The following MIS18A variants were observed in gnomAD, a reference collection of about 807,000 sequenced individuals.
The protein encoded by MIS18A is MIS18 kinetochore protein A.
A neutral mutation model predicts 25.0 loss-of-function variants in MIS18A; 14 were observed. The observed-to-expected ratio is 0.56, with a 90% CI of 0.37 to 0.88. MIS18A has a LOEUF of 0.88. Ranked by LOEUF, MIS18A falls within the 40% of genes least tolerant of loss-of-function variation. MIS18A has a pLI of 0.00. For missense variants in MIS18A, 292 were observed against 290.8 expected, an observed-to-expected ratio of 1.00 and a Z score of -0.03; for synonymous variants, 134 against 118.6, an observed-to-expected ratio of 1.13 and a Z score of -0.84.
chr21:32,229,536 T>A, the MIS18A span, among the ~76,000 whole-genome samples: 1 of 152,226 alleles, frequency 6.6e-6, no homozygotes, highest in Non-Finnish European at 1.5e-5. Flanking sequence ...GAACTTTAAG[T>A]GTTTCATGGC....
chr21:32,207,614 A>G, the MIS18A span, among the ~76,000 whole-genome samples: 1 of 152,096 alleles, frequency 6.6e-6, no homozygotes, highest in Non-Finnish European at 1.5e-5. Context: ...CTCTCTTGCT[A>G]ACAGTTCAAC....
chr21:32,167,649 C>T, the MIS18A span, among the ~76,000 whole-genome samples: 1 of 152,106 alleles, frequency 6.6e-6, no homozygotes, highest in South Asian at 2.1e-4. Context: ...AAAGACTTAA[C>T]ATCCATGTAA....
the MIS18A span, among the ~76,000 whole-genome samples, chr21:32,220,280 A>C: frequency 2.6e-5 from 4 of 152,226 alleles, no homozygotes; most frequent in African/African-American, 9.6e-5. Flanking sequence ...CAGAGGAAGG[A>C]GCAAGCAGCA....
chr21:32,274,197 CTTTTTTTTTTTTTTTT>C (rs1184186125), intron 2 of MIS18A, among the ~76,000 whole-genome samples: 2 of 72,782 alleles, frequency 2.7e-5, no homozygotes, highest in Non-Finnish European at 5.0e-5. Flanking sequence ...TCCTTTTCTT[CTTTTTTTTTTTTTTTT>C]TTTTTTTTTT....
the MIS18A span, among the ~76,000 whole-genome samples, chr21:32,155,346 G>A: frequency 1.3e-5 from 2 of 152,020 alleles, no homozygotes; most frequent in Non-Finnish European, 2.9e-5. Flanking sequence ...CCTCTTCTGC[G>A]ATAGTCCCTG....
At chr21:32,189,361 C>T in the MIS18A span, among the ~76,000 whole-genome samples, 2 of 152,230 alleles carry the variant, frequency 1.3e-5, no homozygotes, top group Non-Finnish European at 1.5e-5. Context: ...TCACTGCAGC[C>T]TTGACCTCCC....
the MIS18A span, among the ~76,000 whole-genome samples, chr21:32,211,101 C>T: frequency 8.5e-5 from 13 of 152,078 alleles, no homozygotes; most frequent in Admixed American, 2.6e-4. Context: ...AGGGCAGTGG[C>T]GCGACATGAG....
At chr21:32,229,001 G>A in the MIS18A span, among the ~76,000 whole-genome samples, 6 of 151,844 alleles carry the variant, frequency 4.0e-5, no homozygotes, top group Admixed American at 2.6e-4. Flanking sequence ...TTTTATTTCA[G>A]CACAAGCAAT....
At chr21:32,192,101 G>A in the MIS18A span, among the ~76,000 whole-genome samples, 8 of 152,308 alleles carry the variant, frequency 5.3e-5, no homozygotes, top group Admixed American at 2.6e-4. Context: ...CAATCATGGT[G>A]CTGATTGAAT....
At chr21:32,249,478 G>A in the MIS18A span, among the ~76,000 whole-genome samples, 2 of 152,162 alleles carry the variant, frequency 1.3e-5, no homozygotes. Flanking sequence ...CTTCTGGGAG[G>A]AGCCATGGAT....
chr21:32,266,765 G>A (rs2031614354), downstream of MIS18A, among the ~76,000 whole-genome samples: 1 of 152,094 alleles, frequency 6.6e-6, no homozygotes, highest in Non-Finnish European at 1.5e-5. Flanking sequence ...AGAGTCCGCG[G>A]CTTCATTCTT....
At chr21:32,162,686 G>GT in the MIS18A span, among the ~76,000 whole-genome samples, 5 of 152,132 alleles carry the variant, frequency 3.3e-5, no homozygotes, top group Non-Finnish European at 7.3e-5. Flanking sequence ...CCATAACCTA[G>GT]TAGAGTGCCT....
Position 32,269,006 on chromosome 21 carries a change from C to T in MIS18A, c.*31G>A, listed in dbSNP as rs201313530. ...ATTTAACAAATAAGGGGAGGAAGGG[C>T]GGGGGCAGAATGGAGGACACAGACT... On this transcript the variant is annotated 3_prime_UTR_variant, in exon 5 of 5. Transcript: ENST00000290130. 15 of 1,458,594 alleles carry T rather than the reference C, an allele frequency of 1.0e-5. No individual in the cohort carries two copies. The highest frequency in any genetic ancestry group is 9.9e-5 in the African/African-American group (7 of 70,568). The allele number at this position is 1,458,594 out of a possible 1,614,324, so 90.4% of individuals were successfully genotyped here.
At chr21:32,236,955 C>G in the MIS18A span, among the ~76,000 whole-genome samples, 1 of 152,082 alleles carries the variant, frequency 6.6e-6, no homozygotes, top group East Asian at 1.9e-4. Context: ...CTTAGGGAAA[C>G]TGGGCTGACT....
At chr21:32,197,840 C>T in the MIS18A span, 4 of 152,154 alleles carry the variant, frequency 2.6e-5, no homozygotes, top group African/African-American at 7.2e-5. Context: ...CATGGTTGGC[C>T]CCAAACAGGC....
the MIS18A span, among the ~76,000 whole-genome samples, chr21:32,244,271 A>G: frequency 6.6e-6 from 1 of 151,936 alleles, no homozygotes; most frequent in Non-Finnish European, 1.5e-5. Context: ...GAGGAAATTG[A>G]CTCCAAAAGG....
chr21:32,278,319 A>C, intron 1 of MIS18A: 1 of 248,258 alleles, frequency 4.0e-6, no homozygotes, highest in Non-Finnish European at 7.7e-6. Flanking sequence ...ATGGGGAGTA[A>C]TAGTACTGGC....
chr21:32,235,376 C>T, the MIS18A span, among the ~76,000 whole-genome samples: 1 of 152,180 alleles, frequency 6.6e-6, no homozygotes, highest in African/African-American at 2.4e-5. Flanking sequence ...TGGGCTGCAG[C>T]TGAGACCACA....
At chr21:32,188,101 G>C in the MIS18A span, among the ~76,000 whole-genome samples, 4 of 152,150 alleles carry the variant, frequency 2.6e-5, no homozygotes, top group Non-Finnish European at 5.9e-5. Context: ...GCCCTCACCA[G>C]GAACGAACCA....
Sources: allele counts gnomAD v4.1 joint callset (sites outside exome capture counted in the v4.1 genomes callset), GRCh38; gene constraint gnomAD v4.1.1; transcripts MANE v1.5; gene names NCBI Gene and HGNC (gene_info 2026-07-23, HGNC 2026-07-21).